SUMF2: variants seen among roughly 807,000 people sequenced by gnomAD.
SUMF2 encodes sulfatase modifying factor 2.
Under a neutral mutation model 44.8 loss-of-function variants are expected in SUMF2, and 45 were observed. The ratio of observed to expected loss-of-function variants is 1.00; its 90% CI spans 0.79 to 1.29. The LOEUF (loss-of-function observed/expected upper bound fraction) is 1.29. Ranked by LOEUF, SUMF2 falls within the 50% of genes most tolerant of loss-of-function variation. SUMF2 has a pLI of 0.00. For synonymous variants in SUMF2, 148 were observed against 150.4 expected (o/e 0.98, Z 0.12); for missense variants, 418 against 389.9 (o/e 1.07, Z -0.61).
chr7:56,081,269 G>A (rs751540733), downstream of SUMF2: 79 of 1,611,928 alleles, frequency 4.9e-5, no homozygotes, highest in South Asian at 4.5e-4. The surrounding 1 kb of genome is among the most constrained non-coding windows in gnomAD (Gnocchi z 4.6). Flanking sequence ...TAGTAGATCC[G>A]CACTGAAGCC....
chr7:56,084,720 G>A (rs577547978), downstream of SUMF2, among the ~76,000 whole-genome samples: 11 of 152,288 alleles, frequency 7.2e-5, no homozygotes, highest in African/African-American at 1.9e-4. Flanking sequence ...AATCGGCTGT[G>A]CAAGAGTTGC....
the SUMF2 span, chr7:56,087,635 C>T: frequency 1.9e-6 from 3 of 1,613,946 alleles, no homozygotes; most frequent in East Asian, 2.2e-5. Flanking sequence ...GCAGGATGTC[C>T]ACCTCCTTCA....
chr7:56,083,794 C>T, downstream of SUMF2: 1 of 985,104 alleles, frequency 1.0e-6, no homozygotes, highest in Non-Finnish European at 1.6e-6. Context: ...GAGCTGCCTT[C>T]CACCCTGATA....
rs1388051859 is a variant in SUMF2, at chr7:56,070,363, C to T, written c.224+1725C>T. Among the ~76,000 whole-genome samples the T allele has an allele frequency of 2.6e-5, 4 of 151,682 alleles. No individual in the cohort carries two copies. In the South Asian group the frequency reaches 6.2e-4, roughly 24 times the overall value. ...ATGAAGGGCTGGATGCAGTGGCTCA[C>T]GTCTGTAATCCCAACAATTTGGGAG... On this transcript the variant is annotated intron_variant, in intron 2 of 8. Coordinates refer to ENST00000434526, the MANE Select transcript of SUMF2 (RefSeq NM_015411.4).
Position 56,079,699 on chromosome 7 carries a change from G to A in SUMF2, c.*87G>A, listed in dbSNP as rs2117512213. 1 of 1,612,964 alleles carries A rather than the reference G, an allele frequency of 6.2e-7. No homozygotes were observed. The highest frequency in any genetic ancestry group is 8.5e-7 in the Non-Finnish European group (1 of 1,179,436). On this transcript the variant is annotated 3_prime_UTR_variant, in exon 9 of 9. Transcript: ENST00000434526. ...GCAAACAGCGCAATTCCAAGCTCGA[G>A]AGCTTCAGCCTCAGGAAAGAACTTC...
the SUMF2 span, among the ~76,000 whole-genome samples, chr7:56,085,846 T>C: frequency 0.056 from 8,552 of 151,698 alleles, 317 homozygotes; most frequent in East Asian, 0.2. Flanking sequence ...TGGTGGTGGG[T>C]GCCTGTAATC....
At chr7:56,081,543 C>T, downstream of SUMF2, 1 of 1,484,492 alleles carries the variant, frequency 6.7e-7, no homozygotes, top group African/African-American at 1.4e-5. The surrounding 1 kb of genome is among the most constrained non-coding windows in gnomAD (Gnocchi z 4.6). Context: ...TCTGGAAATT[C>T]ACGGGGTGTA....
downstream of SUMF2, chr7:56,082,241 G>A: frequency 1.2e-6 from 2 of 1,613,302 alleles, no homozygotes; most frequent in Non-Finnish European, 1.7e-6. Flanking sequence ...GTAACTGGGG[G>A]TCCCGCAGAC....
chr7:56,083,725 C>CAG (rs757644709), downstream of SUMF2: 1 of 1,564,432 alleles, frequency 6.4e-7, no homozygotes, highest in Admixed American at 1.8e-5. Context: ...CCTGTGGAAA[C>CAG]AGAGGGTTGA....
intron 2 of SUMF2, 63 bp downstream of exon 2, chr7:56,068,701 T>C: frequency 1.2e-5 from 3 of 256,662 alleles, no homozygotes; most frequent in Non-Finnish European, 2.0e-5. Context: ...TTTTTCTTTC[T>C]TTTTTTTTTT....
chr7:56,066,540 C>T (rs1276684982), intron 1 of SUMF2, among the ~76,000 whole-genome samples: 1 of 151,966 alleles, frequency 6.6e-6, no homozygotes, highest in Admixed American at 6.6e-5. Flanking sequence ...TCCGCCCCCC[C>T]AGGTTCAAGT....
rs780665348 is a variant in SUMF2, at chr7:56,068,508, C to G, written c.94C>G (p.Gln32Glu). The G allele has an allele frequency of 1.2e-6, 2 of 1,613,392 alleles. No homozygotes were observed. Among genetic ancestry groups the G allele is most frequent in the African/African-American group, 2.7e-5 (2 of 74,840 alleles). Residue 32 changes from glutamine (Q) to glutamate (E), a missense_variant, in exon 2 of 9, where the codon CAA becomes GAA. Gln to Glu is a conservative substitution (Grantham distance 29). Coordinates refer to ENST00000434526, the MANE Select transcript of SUMF2 (RefSeq NM_015411.4). ...LGNGQATSMVQLQGGRFLMGT... is the reference protein window; with the variant it reads ...LGNGQATSMVELQGGRFLMGT... ...AAATGGACAGGCTACTAGCATGGTC[C>G]AACTGCAGGGTGGGAGATTCCTGAT...
chr7:56,076,683 G>T lies in SUMF2; in HGVS notation c.536-151G>T, dbSNP rs576407753. 7.7e-5 allele frequency: 50 copies of T among 653,418 alleles called. No individual in the cohort carries two copies. The South Asian group carries it at 9.2e-4, about 12-fold the overall frequency. The allele number at this position is 653,418 out of a possible 1,614,324, so 40.5% of individuals were successfully genotyped here. On this transcript the variant is annotated intron_variant, in intron 5 of 8. Transcript: ENST00000434526. The stretch of plus-strand genomic sequence containing the variant: ...TCTAATGCAGTTCAGCGAGTGGAGA[G>T]GATGGGCATGGCAAATAAAAGCAGG...
In SUMF2 at chr7:56,064,374, G is replaced by A; in HGVS notation, c.63G>A (p.Lys21=). The A allele has an allele frequency of 1.2e-6, 2 of 1,603,820 alleles. No individual in the cohort carries two copies. The highest frequency in any genetic ancestry group is 1.7e-6 in the Non-Finnish European group (2 of 1,175,728). The change falls in exon 1 of 9, where the codon AAG becomes AAA. Residue 21 remains lysine, a synonymous_variant. Coordinates refer to ENST00000434526, the MANE Select transcript of SUMF2 (RefSeq NM_015411.4). ...CGCTCCTGGTCGGCGCGTGGCTCAA[G>A]CTAGGTCAGTGAACCGGCCGTCCAT... The part of the protein sequence containing the change: ...LLSLLVGAWL[K]LGNGQATSMV...
At chr7:56,087,050 T>C in the SUMF2 span, 7 of 1,599,982 alleles carry the variant, frequency 4.4e-6, no homozygotes, top group Admixed American at 1.0e-4. Flanking sequence ...CTAGCTTGTC[T>C]CAAGTAGCAG....
chr7:56,073,416 G>A, intron 3 of SUMF2: 1 of 389,756 alleles, frequency 2.6e-6, no homozygotes, highest in East Asian at 6.0e-5. Context: ...ACTTTGAGAG[G>A]CTGAGGTGAG....
chr7:56,080,808 C>T, downstream of SUMF2: 1 of 547,658 alleles, frequency 1.8e-6, no homozygotes, highest in Non-Finnish European at 3.3e-6. Context: ...TCCTGGTTCT[C>T]AGGCCACGTG....
At chr7:56,083,611 C>A (rs763930417), downstream of SUMF2, 1 of 1,551,390 alleles carries the variant, frequency 6.4e-7, no homozygotes, top group East Asian at 2.3e-5. Flanking sequence ...CCCTAAGCCA[C>A]GTGGGAGGGA....
rs1795892707 is a variant in SUMF2 at position 56,080,283 on chromosome 7, T to TTG, written c.*671_*672insTG. The TTG allele has an allele frequency of 6.7e-6, 1 of 148,758 alleles. No individual in the cohort carries two copies. Among genetic ancestry groups the TTG allele is most frequent in the Non-Finnish European group, 1.4e-5 (1 of 69,438 alleles). 9.2% of individuals were successfully genotyped at this position (148,758 alleles called of 1,614,324 possible). A position where few individuals can be genotyped will look rare whatever the true frequency, so the allele number is the denominator to read the frequency against. On this transcript the variant is annotated 3_prime_UTR_variant, in exon 9 of 9. Transcript: ENST00000434526. ...TTCTTTTTTTTTTTTTTTTTTTTTT[T>TTG]GAGACAGGGTCTTTCTCTGTTGCCC...
Sources: allele counts gnomAD v4.1 joint callset (sites outside exome capture counted in the v4.1 genomes callset), GRCh38; gene constraint gnomAD v4.1.1; non-coding constraint Gnocchi (gnomAD v3.1); transcripts MANE v1.5; gene names NCBI Gene and HGNC (gene_info 2026-07-23, HGNC 2026-07-21).